Variants in CNTN5 observed in about 807,000 individuals in gnomAD.
CNTN5 encodes the protein contactin-5.
CNTN5 carries 77 observed loss-of-function variants against 129.1 expected under a neutral mutation model. The ratio of observed to expected loss-of-function variants is 0.60; its 90% CI spans 0.50 to 0.72. The LOEUF is 0.72. Among genes scored for constraint, CNTN5 ranks in the 30% least tolerant of loss-of-function variants. CNTN5 has a pLI of 0.00. For missense variants in CNTN5, 1,478 were observed against 1,328.8 expected (o/e 1.11, Z -1.75); for synonymous variants, 509 against 465.6 (o/e 1.09, Z -1.20).
At chr11:99,641,050 A>G (rs1033757736) in intron 3 of CNTN5, among the ~76,000 whole-genome samples, 1 of 152,194 alleles carries the variant, frequency 6.6e-6, no homozygotes, top group Non-Finnish European at 1.5e-5. Context: ...AAATGTAATG[A>G]GTTAAGATTT....
chr11:99,896,498 A>G (rs1470904877), intron 6 of CNTN5, among the ~76,000 whole-genome samples: 4 of 152,084 alleles, frequency 2.6e-5, no homozygotes, highest in Admixed American at 2.6e-4. Flanking sequence ...GATGTACCCC[A>G]CAACTTCCCA....
At position 99,051,789 on chromosome 11, in the gene CNTN5, T is replaced by C. The variant is rs190419429; in HGVS notation, c.-210+30519T>C. Among the ~76,000 whole-genome samples, 608 of 152,012 alleles carry C rather than the reference T, an allele frequency of 4.0e-3. 4 individuals carry two copies. Among genetic ancestry groups the C allele is most frequent in the African/African-American group, 0.014 (574 of 41,548 alleles). ...AAGTGTACTAAGAAGTAGTCTCTTT[T>C]TTCAGGGATTGTAGTTTATATAAAG... On this transcript the variant is annotated intron_variant, in intron 1 of 24. Transcript: ENST00000524871.
chr11:99,045,098 T>G lies in CNTN5; in HGVS notation c.-210+23828T>G, dbSNP rs556371833. On this transcript the variant is annotated intron_variant, in intron 1 of 24. Transcript: ENST00000524871. ...AGTATTAGTAATGATTATTTTGAAG[T>G]GCTAAAGAATGATTGATACAGTCAG... 7.2e-5 allele frequency among the ~76,000 whole-genome samples: 11 copies of G among 152,328 alleles called. No individual in the cohort carries two copies. In the South Asian group the frequency reaches 1.7e-3, roughly 23 times the overall value.
At chr11:99,760,957 G>A (rs1450233555) in intron 3 of CNTN5, among the ~76,000 whole-genome samples, 1 of 152,058 alleles carries the variant, frequency 6.6e-6, no homozygotes, top group Admixed American at 6.6e-5. Flanking sequence ...GTTTTCTAAT[G>A]ATGTGGGTTA....
At chr11:99,851,311 AGCTGG>A (rs1947866897) in intron 6 of CNTN5, among the ~76,000 whole-genome samples, 1 of 152,168 alleles carries the variant, frequency 6.6e-6, no homozygotes, top group Non-Finnish European at 1.5e-5. Context: ...ATAAGCGCAA[AGCTGG>A]AGTGATTTCC....
intron 2 of CNTN5, among the ~76,000 whole-genome samples, chr11:99,348,835 C>A (rs1325179441): frequency 1.3e-5 from 2 of 152,110 alleles, no homozygotes; most frequent in East Asian, 3.9e-4. Context: ...TAAAACTCTC[C>A]CCTGCAATGT....
chr11:99,153,254 T>C (rs1217288896), intron 1 of CNTN5, among the ~76,000 whole-genome samples: 4 of 152,202 alleles, frequency 2.6e-5, no homozygotes, highest in East Asian at 1.9e-4. Flanking sequence ...GTTGGTTGCT[T>C]TCTTTCTTCT....
chr11:99,819,467 A>G, intron 3 of CNTN5, 77 bp from the exon 4 acceptor site: 1 of 1,320,410 alleles, frequency 7.6e-7, no homozygotes, highest in Non-Finnish European at 1.1e-6. Context: ...TAATGTCTTC[A>G]AAGAAACAAT....
intron 1 of CNTN5, among the ~76,000 whole-genome samples, chr11:99,184,912 C>G (rs1228558601): frequency 6.6e-6 from 1 of 151,886 alleles, no homozygotes; most frequent in Non-Finnish European, 1.5e-5. Context: ...TTTTGAAATT[C>G]TTCTTGATCG....
intron 1 of CNTN5, among the ~76,000 whole-genome samples, chr11:99,031,643 C>A (rs181502201): frequency 0.044 from 6,195 of 139,940 alleles, 415 homozygotes; most frequent in African/African-American, 0.14. Context: ...GAAAAAAAAA[C>A]CAAACAAACC....
chr11:100,116,850 A>T (rs1945856138), intron 13 of CNTN5, among the ~76,000 whole-genome samples: 1 of 152,030 alleles, frequency 6.6e-6, no homozygotes, highest in African/African-American at 2.4e-5. Context: ...AAGAGAAAGC[A>T]TTGGTATATA....
chr11:99,936,428 G>A (rs754700121), intron 7 of CNTN5, among the ~76,000 whole-genome samples: 6 of 152,010 alleles, frequency 3.9e-5, no homozygotes, highest in Non-Finnish European at 7.4e-5. Flanking sequence ...TTACACAAAG[G>A]GCCTTATCTT....
chr11:100,254,514 T>C (rs1291461453), intron 16 of CNTN5, among the ~76,000 whole-genome samples: 2 of 152,222 alleles, frequency 1.3e-5, no homozygotes, highest in African/African-American at 4.8e-5. Context: ...ACCTTCCTGA[T>C]AGAATAGTCT....
At chr11:99,224,616 A>G (rs1036970021) in intron 1 of CNTN5, among the ~76,000 whole-genome samples, 4 of 150,250 alleles carry the variant, frequency 2.7e-5, no homozygotes, top group African/African-American at 7.4e-5. Context: ...ACTAACAGCT[A>G]GCTATCTTCC....
rs534442816 is a variant in CNTN5, at chr11:99,735,584, ATTATT to A, written c.56-83956_56-83952del. 3.3e-5 allele frequency among the ~76,000 whole-genome samples: 5 copies of A among 152,328 alleles called. No homozygotes were observed. In the South Asian group the frequency reaches 1.0e-3, roughly 32 times the overall value. The stretch of plus-strand genomic sequence containing the variant: ...TGATACTGAATAAAAACAATTAAAT[ATTATT>A]TTAGTAGAATAAGCCAAATTTCTGG... On this transcript the variant is annotated intron_variant, in intron 3 of 24. Coordinates refer to ENST00000524871, the MANE Select transcript of CNTN5 (RefSeq NM_014361.4).
At chr11:99,979,031 T>G (rs890926082) in intron 8 of CNTN5, among the ~76,000 whole-genome samples, 1 of 152,232 alleles carries the variant, frequency 6.6e-6, no homozygotes. Context: ...GATTCTTGAT[T>G]CACGTAACAC....
chr11:99,348,219 G>T (rs563379504), intron 2 of CNTN5, among the ~76,000 whole-genome samples: 1 of 152,124 alleles, frequency 6.6e-6, no homozygotes, highest in African/African-American at 2.4e-5. Context: ...GGCGCCTGTA[G>T]TTCCAGCTAC....
At chr11:99,440,754 G>A (rs1269698229) in intron 2 of CNTN5, among the ~76,000 whole-genome samples, 1 of 152,062 alleles carries the variant, frequency 6.6e-6, no homozygotes, top group East Asian at 1.9e-4. Flanking sequence ...GCATTATGAA[G>A]GAGCAAGTTT....
chr11:99,871,802 T>A (rs1401031809), intron 6 of CNTN5, among the ~76,000 whole-genome samples: 4 of 152,062 alleles, frequency 2.6e-5, no homozygotes, highest in Non-Finnish European at 5.9e-5. Context: ...GGTACAATGT[T>A]TACTTCTGAT....
Sources: allele counts gnomAD v4.1 joint callset (sites outside exome capture counted in the v4.1 genomes callset), GRCh38; gene constraint gnomAD v4.1.1; transcripts MANE v1.5; gene names NCBI Gene and HGNC (gene_info 2026-07-23, HGNC 2026-07-21).